C1orf146: variants seen among roughly 807,000 people sequenced by gnomAD.
C1orf146 encodes chromosome 1 open reading frame 146, also known as protein SPO16 homolog.
In C1orf146, 22 loss-of-function variants were observed where a neutral mutation model predicts 23.0. That is an observed-to-expected ratio of 0.96 (90% CI 0.68 to 1.36). C1orf146 has a LOEUF of 1.36. C1orf146 is among the 40% of genes most tolerant of loss of function. The probability of loss-of-function intolerance (pLI) is 0.00; values close to 1 mark genes in which losing one functional copy is unlikely to be tolerated. For synonymous variants in C1orf146, 59 were observed against 65.3 expected (o/e 0.90, Z 0.47); for missense variants, 199 against 206.8 (o/e 0.96, Z 0.23).
At chr1:92,219,606 G>A (rs948249760) in intron 1 of C1orf146, among the ~76,000 whole-genome samples, 3 of 144,624 alleles carry the variant, frequency 2.1e-5, no homozygotes, top group African/African-American at 5.1e-5. Flanking sequence ...TGGGTGTGCA[G>A]CCACACCTAA....
At chr1:92,243,792 A>G (rs1160014656) in intron 3 of C1orf146, among the ~76,000 whole-genome samples, 1 of 152,102 alleles carries the variant, frequency 6.6e-6, no homozygotes, top group Non-Finnish European at 1.5e-5. Flanking sequence ...CTTCCCACAT[A>G]CCTAGCCCTA....
chr1:92,235,831 C>T (rs1469879631), intron 2 of C1orf146, among the ~76,000 whole-genome samples: 6 of 151,942 alleles, frequency 3.9e-5, no homozygotes, highest in South Asian at 2.1e-4. Context: ...TAGTTAGCTC[C>T]TCTTGTTGAA....
intron 1 of C1orf146, among the ~76,000 whole-genome samples, chr1:92,221,556 T>A (rs552960086): frequency 6.6e-6 from 1 of 152,376 alleles, no homozygotes; most frequent in East Asian, 1.9e-4. Context: ...GGTATTTTTC[T>A]AGCTTTATAA....
intron 3 of C1orf146, 142 bp from the exon 4 acceptor site, chr1:92,244,075 C>T: frequency 1.8e-6 from 1 of 570,548 alleles, no homozygotes; most frequent in South Asian, 2.5e-5. Flanking sequence ...TGTAGGAATT[C>T]CATTATAGTA....
chr1:92,229,397 G>T, intron 1 of C1orf146: 1 of 537,914 alleles, frequency 1.9e-6, no homozygotes, highest in Non-Finnish European at 3.7e-6. Flanking sequence ...TGCCGATGGT[G>T]ATGACCTGGC....
At chr1:92,218,512 C>G (rs1165132959) in intron 1 of C1orf146, among the ~76,000 whole-genome samples, 3 of 152,114 alleles carry the variant, frequency 2.0e-5, no homozygotes, top group African/African-American at 7.2e-5. Context: ...GGCCTTGGAA[C>G]TGGCAAAGGT....
chr1:92,244,237 G>A lies in C1orf146; in HGVS notation c.181G>A (p.Asp61Asn). 6.3e-7 allele frequency: 1 copy of A among 1,591,278 alleles called. No homozygotes were observed. Among genetic ancestry groups the A allele is most frequent in the Non-Finnish European group, 8.6e-7 (1 of 1,167,336 alleles). The change falls in exon 4 of 6, where the codon GAT becomes AAT. Residue 61 changes from aspartate to asparagine, a missense_variant. Coordinates refer to ENST00000370375, the MANE Select transcript of C1orf146 (RefSeq NM_001012425.2). ...SLSGVAFLLM[D>N]TKECLLSTEE... ...CCTAGGAGTTGCATTTTTATTAATG[G>A]ATACTAAGGAATGTCTTCTGTCAAC... is the stretch of plus-strand genomic sequence containing the variant.
intron 1 of C1orf146, among the ~76,000 whole-genome samples, chr1:92,222,542 T>G (rs1302154402): frequency 6.7e-6 from 1 of 150,138 alleles, no homozygotes; most frequent in Non-Finnish European, 1.5e-5. Context: ...TCGGTTTTTT[T>G]TTTTTTTTTT....
At chr1:92,238,373 T>G (rs1652348117) in intron 2 of C1orf146, among the ~76,000 whole-genome samples, 1 of 152,252 alleles carries the variant, frequency 6.6e-6, no homozygotes, top group Admixed American at 6.5e-5. Context: ...TTTACTGCAC[T>G]ATTATTCAGA....
chr1:92,239,667 A>G (rs3103173), intron 2 of C1orf146, among the ~76,000 whole-genome samples: 131,287 of 151,972 alleles, frequency 0.86, 57,130 homozygotes, highest in East Asian at 1. Flanking sequence ...CAGGAGAATC[A>G]TTTGAATCTG....
chr1:92,244,515 CA>C (rs1257873761), intron 4 of C1orf146, 130 bp downstream of exon 4: 3 of 759,122 alleles, frequency 4.0e-6, no homozygotes, highest in Admixed American at 3.1e-5. Context: ...TTTAATGAAA[CA>C]TGGGCCAAAT....
At chr1:92,225,008 T>A (rs1651932411) in intron 1 of C1orf146, among the ~76,000 whole-genome samples, 1 of 152,158 alleles carries the variant, frequency 6.6e-6, no homozygotes. Context: ...CCCAAAGCTC[T>A]GGGATTACAG....
intron 2 of C1orf146, among the ~76,000 whole-genome samples, chr1:92,237,935 TC>T (rs1175946704): frequency 1.3e-5 from 2 of 152,172 alleles, no homozygotes; most frequent in Non-Finnish European, 2.9e-5. Context: ...TAGTTTTTGT[TC>T]TTTGTTTTTT....
At chr1:92,224,910 T>C (rs1293187170) in intron 1 of C1orf146, among the ~76,000 whole-genome samples, 1 of 151,964 alleles carries the variant, frequency 6.6e-6, no homozygotes, top group East Asian at 1.9e-4. Flanking sequence ...GCCCAGCTGA[T>C]TTTTGTAGTT....
At chr1:92,236,514 C>T (rs1390308060) in intron 2 of C1orf146, among the ~76,000 whole-genome samples, 2 of 152,092 alleles carry the variant, frequency 1.3e-5, no homozygotes, top group Admixed American at 6.6e-5. Context: ...GTGGGTAACC[C>T]GACCTTTCTC....
intron 5 of C1orf146, 37 bp downstream of exon 5, chr1:92,244,894 CATTTT>C (rs1299697091): frequency 1.7e-6 from 2 of 1,207,876 alleles, no homozygotes; most frequent in Non-Finnish European, 2.4e-6. Context: ...TACACACATA[CATTTT>C]AAGGTTTTTA....
At chr1:92,222,626 G>A (rs1350635727) in intron 1 of C1orf146, among the ~76,000 whole-genome samples, 1 of 119,038 alleles carries the variant, frequency 8.4e-6, no homozygotes, top group Non-Finnish European at 1.6e-5. Context: ...TTGCTCTGTT[G>A]CCCAGGCTGG....
chr1:92,244,481 A>G, intron 4 of C1orf146, 96 bp downstream of exon 4: 2 of 915,906 alleles, frequency 2.2e-6, no homozygotes, highest in Non-Finnish European at 1.6e-6. Flanking sequence ...TAGATGATGA[A>G]CACTGTGATG....
At chr1:92,222,793 A>G (rs750020262) in intron 1 of C1orf146, among the ~76,000 whole-genome samples, 40 of 151,770 alleles carry the variant, frequency 2.6e-4, no homozygotes, top group Non-Finnish European at 5.0e-4. Context: ...TCACCATGTT[A>G]GCCAGGATGG....
Sources: gnomAD v4.1 joint callset for allele counts (sites outside exome capture counted in the v4.1 genomes callset) on GRCh38, gnomAD v4.1.1 for gene constraint, MANE v1.5 for transcripts, NCBI Gene and HGNC (gene_info 2026-07-23, HGNC 2026-07-21) for gene names.